Variants in CNGA1 observed in about 807,000 individuals in gnomAD.
The protein encoded by CNGA1 is cyclic nucleotide-gated channel alpha-1.
A neutral mutation model predicts 69.7 loss-of-function variants in CNGA1; 53 were observed. That is an observed-to-expected ratio of 0.76 (90% CI 0.61 to 0.96). The LOEUF is 0.96. Among genes scored for constraint, CNGA1 ranks in the 40% least tolerant of loss-of-function variants. CNGA1 has a pLI of 0.00. For missense variants in CNGA1, 739 were observed against 811.2 expected (o/e 0.91, Z 1.08); for synonymous variants, 249 against 283.5 (o/e 0.88, Z 1.22).
intron 3 of CNGA1, among the ~76,000 whole-genome samples, chr4:47,975,829 C>A (rs937724590): frequency 9.9e-5 from 15 of 152,008 alleles, no homozygotes; most frequent in African/African-American, 3.6e-4. Context: ...AAAGACTTTG[C>A]ACAATGGTTG....
intron 2 of CNGA1, among the ~76,000 whole-genome samples, chr4:48,001,267 A>T (rs1214924836): frequency 6.6e-6 from 1 of 152,156 alleles, no homozygotes; most frequent in Non-Finnish European, 1.5e-5. Context: ...GGAGTTCGAG[A>T]CCAGCCTGTT....
Position 47,984,673 on chromosome 4 carries a change from C to T in CNGA1, c.-122-3173G>A, listed in dbSNP as rs1308894645. Among the ~76,000 whole-genome samples the T allele has an allele frequency of 1.6e-4, 18 of 115,488 alleles. No individual in the cohort carries two copies. In the East Asian group the frequency reaches 4.9e-3, roughly 31 times the overall value. 75.8% of individuals were successfully genotyped at this position (115,488 alleles called of 152,430 possible). A position where few individuals can be genotyped will look rare whatever the true frequency, so the allele number is the denominator to read the frequency against. On this transcript the variant is annotated intron_variant, in intron 2 of 10. Transcript: ENST00000514170. ...ATATATATATATATATACACACACA[C>T]ACACACACACACACACACACATATA...
Position 47,985,280 on chromosome 4 carries a change from A to T in CNGA1, c.-122-3780T>A, listed in dbSNP as rs557332890. ...AATAATTGCATTGCAATAAATTTACATGGTTTCTTTTTAAAAGTGGAAGAT... is the reference window on the plus strand; with the variant it reads ...AATAATTGCATTGCAATAAATTTACTTGGTTTCTTTTTAAAAGTGGAAGAT... On this transcript the variant is annotated intron_variant, in intron 2 of 10. Transcript: ENST00000514170. 4.6e-5 allele frequency among the ~76,000 whole-genome samples: 7 copies of T among 152,344 alleles called. No individual in the cohort carries two copies. The South Asian group carries it at 1.5e-3, about 32-fold the overall frequency.
chr4:47,959,972 A>G (rs1740330596), intron 3 of CNGA1, among the ~76,000 whole-genome samples: 1 of 152,222 alleles, frequency 6.6e-6, no homozygotes, highest in Admixed American at 6.5e-5. Flanking sequence ...CAAAAGACAT[A>G]TAAGAAGATG....
At chr4:47,964,011 AT>A in intron 3 of CNGA1, among the ~76,000 whole-genome samples, 1 of 152,320 alleles carries the variant, frequency 6.6e-6, no homozygotes, top group South Asian at 2.1e-4. Context: ...TAAATAAAGA[AT>A]TTTTGTAATG....
intron 2 of CNGA1, among the ~76,000 whole-genome samples, chr4:47,982,535 G>A (rs1741763748): frequency 1.3e-5 from 2 of 151,760 alleles, no homozygotes; most frequent in African/African-American, 4.8e-5. Flanking sequence ...AGATATTACA[G>A]AAAGAAAGAA....
chr4:47,987,634 A>G (rs551123904), intron 2 of CNGA1, among the ~76,000 whole-genome samples: 1 of 146,724 alleles, frequency 6.8e-6, no homozygotes, highest in East Asian at 1.9e-4. Flanking sequence ...TGTGGAGCAT[A>G]CACTCTAATA....
intron 2 of CNGA1, among the ~76,000 whole-genome samples, chr4:47,984,435 T>C (rs991056391): frequency 6.6e-6 from 1 of 151,916 alleles, no homozygotes; most frequent in African/African-American, 2.4e-5. Context: ...CTGGCCAACA[T>C]GGTGAAACCC....
At chr4:47,988,530 A>T (rs1054431137) in intron 2 of CNGA1, among the ~76,000 whole-genome samples, 1 of 152,162 alleles carries the variant, frequency 6.6e-6, no homozygotes, top group Non-Finnish European at 1.5e-5. Flanking sequence ...TGAGGAAAAA[A>T]TAATAATAAT....
In CNGA1 at chr4:47,936,870, T is replaced by C. The variant is rs1270340881; in HGVS notation, c.1612A>G (p.Ser538Gly). 1 of 1,614,144 alleles carries C rather than the reference T, an allele frequency of 6.2e-7. No homozygotes were observed. Among genetic ancestry groups the C allele is most frequent in the Non-Finnish European group, 8.5e-7 (1 of 1,180,030 alleles). Reference sequence around the variant, plus strand: ...AGAATGCTGATCTCACCGAAGTAGCTGCCATCGCTCAATACCACAAACTGA... The same window carrying C: ...AGAATGCTGATCTCACCGAAGTAGCCGCCATCGCTCAATACCACAAACTGA... ...VTQFVVLSDG[S>G]YFGEISILNI... The change falls in exon 11 of 11, where the codon AGC becomes GGC. Residue 538 changes from serine to glycine, a missense_variant. Ser to Gly is a moderately conservative substitution (Grantham distance 56, BLOSUM62 0). Coordinates refer to ENST00000514170, the MANE Select transcript of CNGA1 (RefSeq NM_001379270.1).
At chr4:47,977,401 G>A (rs1183559354) in intron 3 of CNGA1, among the ~76,000 whole-genome samples, 2 of 152,136 alleles carry the variant, frequency 1.3e-5, no homozygotes, top group Non-Finnish European at 2.9e-5. Flanking sequence ...CTTGATCTTG[G>A]ACTTCAGCCT....
At chr4:47,982,617 A>G (rs1273169870) in intron 2 of CNGA1, among the ~76,000 whole-genome samples, 1 of 152,128 alleles carries the variant, frequency 6.6e-6, no homozygotes, top group Non-Finnish European at 1.5e-5. Context: ...CTACCATTAT[A>G]TTCTTAAATT....
At position 47,968,113 on chromosome 4, in the gene CNGA1, G is replaced by A. The variant is rs145387384; in HGVS notation, c.-15+13280C>T. Among the ~76,000 whole-genome samples, 199 of 152,310 alleles carry A rather than the reference G, an allele frequency of 1.3e-3. 2 individuals are homozygous for A. The highest frequency in any genetic ancestry group is 2.5e-3 in the Non-Finnish European group (173 of 68,034). ...ATGAGTATGCCCCCCAACTAGTAGT[G>A]TAGTAGAGGACTATAGGGGAACAAG... On this transcript the variant is annotated intron_variant, in intron 3 of 10. Transcript: ENST00000514170.
intron 2 of CNGA1, among the ~76,000 whole-genome samples, chr4:48,007,667 CT>C (rs1428624905): frequency 4.1e-5 from 2 of 49,216 alleles, no homozygotes; most frequent in Admixed American, 2.0e-4. Flanking sequence ...ATAACCTTAA[CT>C]TAAAAAAAAA....
chr4:48,008,587 CAA>C (rs1246286786), intron 2 of CNGA1, among the ~76,000 whole-genome samples: 1 of 151,912 alleles, frequency 6.6e-6, no homozygotes, highest in African/African-American at 2.4e-5. Flanking sequence ...TAAATTATGA[CAA>C]GTTTGCCTAC....
rs755019047 is a variant in CNGA1, at chr4:47,937,695, A to G, written c.787T>C (p.Tyr263His). 6.2e-7 allele frequency: 1 copy of G among 1,614,156 alleles called. No homozygotes were observed. The highest frequency in any genetic ancestry group is 1.1e-5 in the South Asian group (1 of 91,084). The change falls in exon 11 of 11, where the codon TAT (tyrosine) becomes CAT (histidine). Residue 263 changes from tyrosine (Y) to histidine (H), a missense_variant. Tyr to His is a moderately conservative substitution (Grantham distance 83). Transcript: ENST00000514170. ...DLLYFKLGWN[Y>H]PEIRLNRLLR... ...AACCTGTTTAATCTAATTTCTGGAT[A>G]GTTCCACCCTAACTTAAAATACAGC...
intron 2 of CNGA1, among the ~76,000 whole-genome samples, chr4:47,996,672 A>G (rs1742487097): frequency 6.6e-6 from 1 of 152,200 alleles, no homozygotes; most frequent in African/African-American, 2.4e-5. Context: ...GTTAAATAAC[A>G]TAATCAAATA....
intron 6 of CNGA1, among the ~76,000 whole-genome samples, chr4:47,943,722 G>A (rs1245231612): frequency 2.0e-5 from 3 of 152,164 alleles, no homozygotes; most frequent in African/African-American, 7.2e-5. Context: ...CTTCGAAAGT[G>A]TTAATGTATT....
chr4:48,001,652 T>C (rs557543544), intron 2 of CNGA1, among the ~76,000 whole-genome samples: 3 of 152,200 alleles, frequency 2.0e-5, no homozygotes, highest in Non-Finnish European at 4.4e-5. Context: ...AATTTAAAAA[T>C]TGGCAATAAA....
Sources: gnomAD v4.1 joint callset for allele counts (sites outside exome capture counted in the v4.1 genomes callset) on GRCh38, gnomAD v4.1.1 for gene constraint, MANE v1.5 for transcripts, NCBI Gene and HGNC (gene_info 2026-07-23, HGNC 2026-07-21) for gene names.